Variants in ARID1B observed in about 807,000 individuals in gnomAD.
ARID1B encodes the protein AT-rich interaction domain 1B.
A neutral mutation model predicts 212.3 loss-of-function variants in ARID1B; 30 were observed. The observed-to-expected ratio is 0.14, with a 90% CI of 0.11 to 0.19. The LOEUF (loss-of-function observed/expected upper bound fraction) is 0.19, where lower values mean the gene tolerates loss of function less well. Ranked by LOEUF, ARID1B falls within the 10% of genes least tolerant of loss-of-function variation. The pLI is 1.00. For synonymous variants in ARID1B, 1,402 were observed against 1,301.7 expected (o/e 1.08, Z -1.66); for missense variants, 2,891 against 3,204.0 (o/e 0.90, Z 2.36).
At chr6:157,136,686 A>G (rs1164111315) in intron 7 of ARID1B, among the ~76,000 whole-genome samples, 3 of 151,806 alleles carry the variant, frequency 2.0e-5, no homozygotes, top group Non-Finnish European at 4.4e-5. Context: ...ACATGGTGAA[A>G]CACTGCCTCT....
At chr6:157,077,099 A>G (rs1784359107) in intron 4 of ARID1B, among the ~76,000 whole-genome samples, 1 of 152,222 alleles carries the variant, frequency 6.6e-6, no homozygotes, top group Non-Finnish European at 1.5e-5. Context: ...GTCGATCCTT[A>G]AAATTATTGC....
chr6:156,836,499 A>T (rs1783522751), intron 2 of ARID1B, among the ~76,000 whole-genome samples: 1 of 152,104 alleles, frequency 6.6e-6, no homozygotes, highest in Admixed American at 6.5e-5. Context: ...AGGAGCTGGG[A>T]TGGTTGAGTC....
intron 4 of ARID1B, among the ~76,000 whole-genome samples, chr6:156,994,596 A>G (rs1460644116): frequency 6.6e-6 from 1 of 152,088 alleles, no homozygotes; most frequent in East Asian, 1.9e-4. Context: ...AAGCAAAACT[A>G]TTTTGAAAAC....
At chr6:157,099,607 T>C (rs964007353) in intron 5 of ARID1B, among the ~76,000 whole-genome samples, 2 of 152,230 alleles carry the variant, frequency 1.3e-5, no homozygotes, top group African/African-American at 2.4e-5. Context: ...TAAGTTGGTC[T>C]TTAAGGGCTT....
intron 3 of ARID1B, among the ~76,000 whole-genome samples, chr6:156,902,647 TA>T (rs748989263): frequency 1.4e-5 from 2 of 143,650 alleles, no homozygotes; most frequent in South Asian, 4.3e-4. Context: ...TACATGTATT[TA>T]AAAGCTTGAA....
intron 2 of ARID1B, among the ~76,000 whole-genome samples, chr6:156,861,107 G>A (rs1785302152): frequency 6.6e-6 from 1 of 152,224 alleles, no homozygotes; most frequent in Non-Finnish European, 1.5e-5. Flanking sequence ...AAGGTAGACA[G>A]AGGAGCCTTT....
At chr6:157,106,125 A>G (rs1786460990) in intron 5 of ARID1B, among the ~76,000 whole-genome samples, 1 of 152,158 alleles carries the variant, frequency 6.6e-6, no homozygotes, top group Non-Finnish European at 1.5e-5. Flanking sequence ...GAAACTGTCT[A>G]AATGCCCATA....
chr6:156,788,505 A>G lies in ARID1B; in HGVS notation c.1791+9034A>G, dbSNP rs533835181. 1.1e-3 allele frequency among the ~76,000 whole-genome samples: 160 copies of G among 152,318 alleles called. 1 individual carries two copies. The highest frequency in any genetic ancestry group is 3.4e-3 in the Middle Eastern group (1 of 294). On this transcript the variant is annotated intron_variant, in intron 1 of 19. Coordinates refer to ENST00000636930, the MANE Select transcript of ARID1B (RefSeq NM_001374828.1). ...ATACTTCCTAAACCTTCCCACTTTG[A>G]TGATCTGCAAAAAATGACTGGCTTT...
chr6:156,827,754 CTTTTTTTTTTT>C lies in ARID1B; in HGVS notation c.1792-1454_1792-1444del, dbSNP rs532857305. On this transcript the variant is annotated intron_variant, in intron 1 of 19. Transcript: ENST00000636930. The stretch of plus-strand genomic sequence containing the variant: ...GTTATTCCCCTTTATCCTGGTAATT[CTTTTTTTTTTT>C]TTTTTTTTTTTTTTTTTTGAGATGG... Among the ~76,000 whole-genome samples, 456 of 68,448 alleles carry C rather than the reference CTTTTTTTTTTT, an allele frequency of 6.7e-3. 9 individuals carry two copies. Among genetic ancestry groups the C allele is most frequent in the African/African-American group, 0.018 (373 of 20,940 alleles). The allele number at this position is 68,448 out of a possible 152,430, so 44.9% of individuals were successfully genotyped here. A position where few individuals can be genotyped will look rare whatever the true frequency, so the allele number is the denominator to read the frequency against.
intron 4 of ARID1B, among the ~76,000 whole-genome samples, chr6:157,079,102 A>G (rs1784476852): frequency 1.3e-5 from 2 of 152,220 alleles, no homozygotes; most frequent in African/African-American, 4.8e-5. Flanking sequence ...AAATAAATAC[A>G]TATTTGGACA....
intron 16 of ARID1B, among the ~76,000 whole-genome samples, chr6:157,197,066 T>G (rs1304701083): frequency 6.6e-6 from 1 of 152,208 alleles, no homozygotes; most frequent in Non-Finnish European, 1.5e-5. Flanking sequence ...AGGGTAGGCT[T>G]CTTTTTGTGA....
chr6:156,931,000 C>T (rs1018210506), intron 3 of ARID1B, among the ~76,000 whole-genome samples: 1 of 151,944 alleles, frequency 6.6e-6, no homozygotes, highest in Non-Finnish European at 1.5e-5. Context: ...ACCATTCTGG[C>T]CAACACAGTG....
intron 1 of ARID1B, among the ~76,000 whole-genome samples, chr6:156,797,960 C>T (rs112303391): frequency 6.6e-6 from 1 of 152,232 alleles, no homozygotes; most frequent in African/African-American, 2.4e-5. Context: ...ACATGCACAA[C>T]TGAGGTGAGC....
intron 6 of ARID1B, among the ~76,000 whole-genome samples, chr6:157,127,707 TG>T (rs1788225929): frequency 7.9e-6 from 1 of 127,192 alleles, no homozygotes. Context: ...ACTCAGGAGG[TG>T]GAAGTTGCAG....
chr6:157,175,944 G>A (rs1182495921), intron 11 of ARID1B: 1 of 151,954 alleles, frequency 6.6e-6, no homozygotes, highest in Non-Finnish European at 1.5e-5. Context: ...ATGTATTGAC[G>A]AGCACGGCTC....
intron 3 of ARID1B, among the ~76,000 whole-genome samples, chr6:156,904,531 C>A (rs1487044495): frequency 6.6e-6 from 1 of 152,238 alleles, no homozygotes; most frequent in Non-Finnish European, 1.5e-5. Context: ...GTGTGTGCAT[C>A]TGCATTCCCA....
At chr6:156,860,364 C>G (rs1230097187) in intron 2 of ARID1B, among the ~76,000 whole-genome samples, 1 of 145,108 alleles carries the variant, frequency 6.9e-6, no homozygotes, top group East Asian at 2.0e-4. Flanking sequence ...AAAAATTGAT[C>G]TATTTTGGTT....
chr6:157,032,042 C>A (rs1189579117), intron 4 of ARID1B, among the ~76,000 whole-genome samples: 4 of 152,220 alleles, frequency 2.6e-5, no homozygotes, highest in Admixed American at 1.3e-4. Flanking sequence ...GGTGATCCTC[C>A]TGCCTCGGCC....
At chr6:157,035,741 C>G (rs567706479) in intron 4 of ARID1B, among the ~76,000 whole-genome samples, 1 of 152,306 alleles carries the variant, frequency 6.6e-6, no homozygotes, top group East Asian at 1.9e-4. Flanking sequence ...TTTTGCTTTC[C>G]GCACCAGGCT....
Sources: gnomAD v4.1 joint callset for allele counts (sites outside exome capture counted in the v4.1 genomes callset) on GRCh38, gnomAD v4.1.1 for gene constraint, MANE v1.5 for transcripts, NCBI Gene and HGNC (gene_info 2026-07-23, HGNC 2026-07-21) for gene names.